The following CCAR2 variants were observed in gnomAD, a reference collection of about 807,000 sequenced individuals.
CCAR2 encodes cell cycle and apoptosis regulator protein 2.
Under a neutral mutation model 108.1 loss-of-function variants are expected in CCAR2, and 21 were observed. The ratio of observed to expected loss-of-function variants is 0.19; its 90% confidence interval spans 0.14 to 0.28. The LOEUF (loss-of-function observed/expected upper bound fraction) is 0.28. Among genes scored for constraint, CCAR2 ranks in the 10% least tolerant of loss-of-function variants. The probability of loss-of-function intolerance (pLI) is 1.00; values close to 1 mark genes in which losing one functional copy is unlikely to be tolerated. For missense variants in CCAR2, 1,126 were observed against 1,177.0 expected (o/e 0.96, Z 0.63); for synonymous variants, 577 against 472.8 (o/e 1.22, Z -2.86).
intron 7 of CCAR2, among the ~76,000 whole-genome samples, chr8:22,608,913 A>G (rs1048382527): frequency 6.6e-6 from 1 of 152,044 alleles, no homozygotes; most frequent in East Asian, 1.9e-4. Flanking sequence ...TTTCATCTCT[A>G]CCTCCATCTA....
chr8:22,618,023 C>CAAA, intron 16 of CCAR2: 1 of 591,058 alleles, frequency 1.7e-6, no homozygotes. Context: ...GGAGCTTTTG[C>CAAA]CAAAGTGGGC....
Position 22,615,730 on chromosome 8 carries a change from G to A in CCAR2, c.1426G>A (p.Asp476Asn). 6.2e-7 allele frequency: 1 copy of A among 1,613,764 alleles called. No homozygotes were observed. Among genetic ancestry groups the A allele is most frequent in the Non-Finnish European group, 8.5e-7 (1 of 1,180,012 alleles). The change falls in exon 13 of 21, where the codon GAC (aspartate) becomes AAC (asparagine). Residue 476 changes from aspartate (D) to asparagine (N), a missense_variant. Around this residue, in one of 4 missense-constraint regions of CCAR2, gnomAD observed 1,013 missense variants for 993.9 expected, o/e 1.02. Coordinates refer to ENST00000308511, the MANE Select transcript of CCAR2 (RefSeq NM_001393997.1). The stretch of plus-strand genomic sequence containing the variant: ...ACCTGATGCCTTGGAGCAAGCAGCA[G>A]ACACTTCTAGACGGAACGCAGAAAC... Reference protein sequence around the residue: ...QAPDALEQAADTSRRNAETPE... With the variant: ...QAPDALEQAANTSRRNAETPE...
chr8:22,618,768 A>C, intron 18 of CCAR2, 40 bp downstream of exon 18: 3 of 1,613,476 alleles, frequency 1.9e-6, no homozygotes, highest in Non-Finnish European at 2.5e-6. Flanking sequence ...GGGCACGGGC[A>C]GGGCAGGCTG....
rs773273054 is a variant in CCAR2, at chr8:22,618,358, C to T, written c.2083C>T (p.Leu695=). 3 of 1,614,128 alleles carry T rather than the reference C, an allele frequency of 1.9e-6. No homozygotes were observed. The South Asian group carries it at 3.3e-5, about 18-fold the overall frequency. The change falls in exon 17 of 21, where the codon CTG becomes TTG. Residue 695 remains leucine (L), a synonymous_variant. Coordinates refer to ENST00000308511, the MANE Select transcript of CCAR2 (RefSeq NM_001393997.1). The part of the protein sequence containing the change: ...FSSLQDMPKE[L]DPSAVLPLDC... The stretch of plus-strand genomic sequence containing the variant: ...TTTGTTTTCTTTGCAGCCCAAGGAG[C>T]TGGATCCCTCTGCTGTGCTCCCCTT...
At chr8:22,611,219 G>T (rs1191590914) in intron 7 of CCAR2, among the ~76,000 whole-genome samples, 2 of 151,888 alleles carry the variant, frequency 1.3e-5, no homozygotes, top group Non-Finnish European at 2.9e-5. Flanking sequence ...AAATTAGCCA[G>T]GCATGGCGGT....
Position 22,607,336 on chromosome 8 carries a change from G to C in CCAR2, c.487+11G>C, listed in dbSNP as rs1801114760. On this transcript the variant is annotated intron_variant, in intron 6 of 20. Transcript: ENST00000308511. The stretch of plus-strand genomic sequence containing the variant: ...TCTTTCCTCAGAAGCGTGAGTACGA[G>C]TGGCACTGTTGTTGGGTGTGGCATT... 1 of 1,608,982 alleles carries C rather than the reference G, an allele frequency of 6.2e-7. No homozygotes were observed. Among genetic ancestry groups the C allele is most frequent in the African/African-American group, 1.3e-5 (1 of 74,904 alleles).
intron 8 of CCAR2, 62 bp from the exon 9 acceptor site, chr8:22,614,030 T>C (rs762417033): frequency 6.8e-6 from 10 of 1,464,886 alleles, no homozygotes; most frequent in Admixed American, 3.9e-5. Context: ...AAATCTTTGA[T>C]GGTTTCATTT....
Position 22,614,821 on chromosome 8 carries a change from C to T in CCAR2, c.1042-17C>T. The T allele has an allele frequency of 6.2e-7, 1 of 1,612,360 alleles. No individual in the cohort carries two copies. Reference sequence around the variant, plus strand: ...TAATGTAGTTTTTTGTTTTGTATCCCTGATCTCTTCTTGCAGTTTTTGCTG... The same window carrying T: ...TAATGTAGTTTTTTGTTTTGTATCCTTGATCTCTTCTTGCAGTTTTTGCTG... On this transcript the variant is annotated splice_polypyrimidine_tract_variant and intron_variant, in intron 10 of 20. Coordinates refer to ENST00000308511, the MANE Select transcript of CCAR2 (RefSeq NM_001393997.1).
chr8:22,606,753 C>A (rs1801095078), intron 4 of CCAR2, 55 bp downstream of exon 4: 38 of 1,509,794 alleles, frequency 2.5e-5, no homozygotes, highest in Non-Finnish European at 3.3e-5. Flanking sequence ...AGTTCTGTCA[C>A]CATGCTGGTA....
chr8:22,613,994 C>T (rs1377321860), intron 8 of CCAR2, 98 bp from the exon 9 acceptor site: 3 of 1,099,988 alleles, frequency 2.7e-6, no homozygotes, highest in East Asian at 5.0e-5. Flanking sequence ...AGTTCTCAGA[C>T]TGAAAAAAAA....
chr8:22,612,802 A>G (rs1387597478), intron 7 of CCAR2: 8 of 495,150 alleles, frequency 1.6e-5, no homozygotes, highest in Non-Finnish European at 2.1e-5. Context: ...ACAATGTTGC[A>G]GAGTGTGCTT....
rs777145953 is a variant in CCAR2, at chr8:22,606,078, C to G, written c.59-7C>G. ...GGTTCCTGGAGATTGCTTCTCTTTC[C>G]CCATAGGCACAGCTTCAACATCTCT... On this transcript the variant is annotated splice_polypyrimidine_tract_variant and splice_region_variant and intron_variant, in intron 2 of 20. Transcript: ENST00000308511. The G allele has an allele frequency of 6.2e-7, 1 of 1,612,166 alleles. No homozygotes were observed. Among genetic ancestry groups the G allele is most frequent in the East Asian group, 2.2e-5 (1 of 44,876 alleles).
In CCAR2 at chr8:22,616,054, G is replaced by A; in HGVS notation, c.1651G>A (p.Asp551Asn). The change falls in exon 14 of 21, where the codon GAT becomes AAT. Residue 551 changes from aspartate to asparagine, a missense_variant. Around this residue, in one of 4 missense-constraint regions of CCAR2, gnomAD observed 1,013 missense variants for 993.9 expected, o/e 1.02. Coordinates refer to ENST00000308511, the MANE Select transcript of CCAR2 (RefSeq NM_001393997.1). ...AELFLEMLQR[D>N]FGYRVYKMLL... is the part of the protein sequence containing the mutation. Reference sequence around the variant, plus strand: ...GCTGTTTCTGGAGATGCTCCAGAGGGATTTTGGCTATAGAGTTTATAAGAT... The same window carrying A: ...GCTGTTTCTGGAGATGCTCCAGAGGAATTTTGGCTATAGAGTTTATAAGAT... The A allele has an allele frequency of 6.2e-7, 1 of 1,614,096 alleles. No individual in the cohort carries two copies. The highest frequency in any genetic ancestry group is 8.5e-7 in the Non-Finnish European group (1 of 1,180,040).
At chr8:22,605,352 C>A (rs201948025) in intron 1 of CCAR2, 52 of 167,884 alleles carry the variant, frequency 3.1e-4, no homozygotes, top group South Asian at 1.3e-3. Context: ...AGCCCCTCAC[C>A]CCGCCAGCTA....
At chr8:22,606,232 G>A in intron 3 of CCAR2, 56 bp downstream of exon 3, 1 of 1,330,466 alleles carries the variant, frequency 7.5e-7, no homozygotes, top group African/African-American at 1.5e-5. Flanking sequence ...ATGCATGGAG[G>A]CCTGGTGCTC....
At chr8:22,609,416 C>T (rs112726651) in intron 7 of CCAR2, among the ~76,000 whole-genome samples, 2 of 152,136 alleles carry the variant, frequency 1.3e-5, no homozygotes, top group Non-Finnish European at 2.9e-5. Flanking sequence ...CCTCCCAAAG[C>T]GCTGGGATTA....
rs576095750 is a variant in CCAR2, at chr8:22,618,447, C to T, written c.2172C>T (p.Asp724=). The part of the protein sequence containing the change: ...ANWCGYLHRR[D]LERILLTLGI... ...GGTGTGGCTACTTGCACCGGCGAGA[C>T]TTAGAGAGGATCCTCCTTACCCTTG... is the stretch of plus-strand genomic sequence containing the variant. Residue 724 remains aspartate, a synonymous_variant, in exon 17 of 21, where the codon GAC becomes GAT. Coordinates refer to ENST00000308511, the MANE Select transcript of CCAR2 (RefSeq NM_001393997.1). 1 of 1,614,216 alleles carries T rather than the reference C, an allele frequency of 6.2e-7. No individual in the cohort carries two copies. The highest frequency in any genetic ancestry group is 1.1e-5 in the South Asian group (1 of 91,082).
At position 22,619,146 on chromosome 8, in the gene CCAR2, G is replaced by T; in HGVS notation, c.2522-4G>T. 6.2e-7 allele frequency: 1 copy of T among 1,604,714 alleles called. No homozygotes were observed. On this transcript the variant is annotated splice_polypyrimidine_tract_variant and splice_region_variant and intron_variant, in intron 19 of 20. Transcript: ENST00000308511. The stretch of plus-strand genomic sequence containing the variant: ...CCGTCCCCGTTTCCTTCTCCACCTT[G>T]CAGAGGAGAGCCATAACCGTTTCTC...
chr8:22,606,500 T>G (rs1801084661), intron 3 of CCAR2, 107 bp from the exon 4 acceptor site: 1 of 846,450 alleles, frequency 1.2e-6, no homozygotes, highest in Non-Finnish European at 2.0e-6. Context: ...GAACTCTTGA[T>G]GCAGTACGCT....
Sources: gnomAD v4.1 joint callset for allele counts (sites outside exome capture counted in the v4.1 genomes callset) on GRCh38, gnomAD v4.1.1 for gene constraint, gnomAD v4.1.1 regional missense constraint, MANE v1.5 for transcripts, NCBI Gene and HGNC (gene_info 2026-07-23, HGNC 2026-07-21) for gene names.